Variants in BANP observed in about 807,000 individuals in gnomAD.
BANP encodes protein BANP.
A neutral mutation model predicts 68.1 loss-of-function variants in BANP; 11 were observed. That is an observed-to-expected ratio of 0.16 (90% CI 0.10 to 0.27). BANP has a LOEUF of 0.27. BANP is among the 10% of genes least tolerant of loss of function. The pLI is 1.00. For missense variants in BANP, 504 were observed against 722.7 expected (o/e 0.70, Z 3.47); for synonymous variants, 329 against 303.2 (o/e 1.09, Z -0.88).
intron 12 of BANP, among the ~76,000 whole-genome samples, chr16:88,069,467 G>T (rs1485256795): frequency 6.6e-6 from 1 of 152,206 alleles, no homozygotes; most frequent in Non-Finnish European, 1.5e-5. Flanking sequence ...TTCTCTCTCT[G>T]CTCCCTCTCG....
intron 11 of BANP, 70 bp downstream of exon 11, chr16:88,038,081 G>T: frequency 6.6e-7 from 1 of 1,505,304 alleles, no homozygotes; most frequent in Non-Finnish European, 9.2e-7. Flanking sequence ...AGGGGAGGGG[G>T]TGGGACGGTC....
chr16:88,073,343 C>T (rs1437322619), intron 13 of BANP, among the ~76,000 whole-genome samples: 3 of 152,252 alleles, frequency 2.0e-5, no homozygotes, highest in Non-Finnish European at 4.4e-5. Context: ...GGTCTGGCCC[C>T]TCCTCTGGCC....
chr16:87,973,729 G>A (rs1475221293), intron 1 of BANP, among the ~76,000 whole-genome samples: 1 of 133,730 alleles, frequency 7.5e-6, no homozygotes, highest in Non-Finnish European at 1.5e-5. Context: ...TTCCAGCCTG[G>A]GCAACAGGAG....
chr16:87,962,255 A>AAAAAAAAAAAAAAAC (rs2059318249), intron 1 of BANP, among the ~76,000 whole-genome samples: 1 of 147,680 alleles, frequency 6.8e-6, no homozygotes, highest in Non-Finnish European at 1.5e-5. Flanking sequence ...AAAAAAAAAA[A>AAAAAAAAAAAAAAAC]AGAAAGCACA....
intron 11 of BANP, among the ~76,000 whole-genome samples, chr16:88,043,085 G>C (rs1292246735): frequency 7.2e-5 from 11 of 152,160 alleles, no homozygotes; most frequent in Non-Finnish European, 1.6e-4. Flanking sequence ...TCTCAGTCTC[G>C]GGCTTTGTAG....
chr16:88,018,765 C>T lies in BANP; in HGVS notation c.895+98C>T, dbSNP rs2075171867. 9 of 1,422,270 alleles carry T rather than the reference C, an allele frequency of 6.3e-6. No homozygotes were observed. Among genetic ancestry groups the T allele is most frequent in the Admixed American group, 4.7e-5 (2 of 42,126 alleles). The allele number at this position is 1,422,270 out of a possible 1,614,324, so 88.1% of individuals were successfully genotyped here. ...GACGCTGGCATCAGTAGCACCGGCA[C>T]GGGGCTGCGTTTCTCCAGGCGGTTT... On this transcript the variant is annotated intron_variant, in intron 7 of 13. Coordinates refer to ENST00000682872, the MANE Select transcript of BANP (RefSeq NM_001386991.1). The surrounding 1 kb of genome is among the most constrained non-coding windows in gnomAD (Gnocchi z 7.7).
At chr16:88,051,146 C>T (rs574402612) in intron 11 of BANP, among the ~76,000 whole-genome samples, 2 of 152,328 alleles carry the variant, frequency 1.3e-5, no homozygotes, top group East Asian at 1.9e-4. Context: ...CGTGTAGTGG[C>T]GGGCCTCGCA....
chr16:88,054,910 A>G (rs552727821), intron 11 of BANP, among the ~76,000 whole-genome samples: 37 of 152,320 alleles, frequency 2.4e-4, no homozygotes, highest in African/African-American at 7.2e-4. Flanking sequence ...TTGAACAGTT[A>G]GTACCAAACT....
chr16:87,957,621 C>T lies in BANP; in HGVS notation c.-69+6106C>T, dbSNP rs2058348605. Among the ~76,000 whole-genome samples, 1 of 152,236 alleles carries T rather than the reference C, an allele frequency of 6.6e-6. No individual in the cohort carries two copies. Among genetic ancestry groups the T allele is most frequent in the Non-Finnish European group, 1.5e-5 (1 of 68,034 alleles). ...GTGGCCTGTAGTGATTTTCCTTTTC[C>T]CTTGAGATGAAAAGTCATCAAATAT... On this transcript the variant is annotated intron_variant, in intron 1 of 13. Coordinates refer to ENST00000682872, the MANE Select transcript of BANP (RefSeq NM_001386991.1). This position sits in a 1 kb window ranked among gnomAD's most constrained non-coding sequence, Gnocchi z 4.3.
rs190694426 is a variant in BANP at position 88,057,599 on chromosome 16, C to T, written c.1312-7668C>T. 3.1e-3 allele frequency among the ~76,000 whole-genome samples: 478 copies of T among 152,202 alleles called. 1 individual carries two copies. Among genetic ancestry groups the T allele is most frequent in the African/African-American group, 0.011 (459 of 41,510 alleles). Reference sequence around the variant, plus strand: ...GCAAAATGCAGGCACTCTGACTGGCCCACGTTGTGTAAAATTGGAAGAATG... The same window carrying T: ...GCAAAATGCAGGCACTCTGACTGGCTCACGTTGTGTAAAATTGGAAGAATG... On this transcript the variant is annotated intron_variant, in intron 11 of 13. Coordinates refer to ENST00000682872, the MANE Select transcript of BANP (RefSeq NM_001386991.1). The surrounding 1 kb of genome is among the most constrained non-coding windows in gnomAD (Gnocchi z 4.6).
At position 88,060,781 on chromosome 16, in the gene BANP, C is replaced by T. The variant is rs555345955; in HGVS notation, c.1312-4486C>T. 1.1e-4 allele frequency among the ~76,000 whole-genome samples: 16 copies of T among 152,278 alleles called. No homozygotes were observed. In the East Asian group the frequency reaches 3.1e-3, roughly 30 times the overall value. The stretch of plus-strand genomic sequence containing the variant: ...CCCTTTCCTGGGGACACCTGAGCAG[C>T]GCCACGGTGATGGCAGGCTTGTGCA... On this transcript the variant is annotated intron_variant, in intron 11 of 13. Coordinates refer to ENST00000682872, the MANE Select transcript of BANP (RefSeq NM_001386991.1).
chr16:88,023,437 G>T (rs1399962126), intron 7 of BANP, among the ~76,000 whole-genome samples: 4 of 148,558 alleles, frequency 2.7e-5, no homozygotes, highest in African/African-American at 9.9e-5. Context: ...CCGGGAGGGA[G>T]CATGTCAGCT....
intron 7 of BANP, among the ~76,000 whole-genome samples, chr16:88,023,487 C>G (rs559856328): frequency 7.2e-6 from 1 of 138,928 alleles, no homozygotes; most frequent in East Asian, 2.0e-4. Flanking sequence ...TTCTAGGCAG[C>G]GCTGTCACGT....
Position 87,958,953 on chromosome 16 carries a change from G to T in BANP, c.-69+7438G>T, listed in dbSNP as rs145106760. 1.6e-3 allele frequency among the ~76,000 whole-genome samples: 249 copies of T among 152,340 alleles called. 1 individual carries two copies. The highest frequency in any genetic ancestry group is 3.4e-3 in the Middle Eastern group (1 of 294). On this transcript the variant is annotated intron_variant, in intron 1 of 13. Transcript: ENST00000682872. Reference sequence around the variant, plus strand: ...GCAGACATAGAGAATTCTCATGGGGGAGGGAGGACCTTGCGGCGCCTTGGC... The same window carrying T: ...GCAGACATAGAGAATTCTCATGGGGTAGGGAGGACCTTGCGGCGCCTTGGC...
chr16:87,981,786 G>A (rs1272682736), intron 3 of BANP, among the ~76,000 whole-genome samples: 2 of 152,244 alleles, frequency 1.3e-5, no homozygotes, highest in African/African-American at 4.8e-5. Flanking sequence ...TGACTTCTGT[G>A]TCTGCCATTT....
In BANP at chr16:88,006,285, C is replaced by T; in HGVS notation, c.655+20C>T. ...CGGAAGGTGCGTCCAGGGCGGCTTT[C>T]CTCGGCCAGAGCGCCAGTACAATTG... On this transcript the variant is annotated intron_variant, in intron 6 of 13. Transcript: ENST00000682872. 1 of 1,568,878 alleles carries T rather than the reference C, an allele frequency of 6.4e-7. No individual in the cohort carries two copies. The highest frequency in any genetic ancestry group is 8.6e-7 in the Non-Finnish European group (1 of 1,157,506).
At chr16:88,034,267 C>G (rs1280861629) in intron 9 of BANP, among the ~76,000 whole-genome samples, 1 of 152,202 alleles carries the variant, frequency 6.6e-6, no homozygotes, top group Non-Finnish European at 1.5e-5. Context: ...GGCAGTTCCT[C>G]TCATCTTGTT....
chr16:88,060,095 G>A (rs188271322), intron 11 of BANP, among the ~76,000 whole-genome samples: 4 of 152,382 alleles, frequency 2.6e-5, no homozygotes, highest in African/African-American at 9.6e-5. Flanking sequence ...TGCTGTGGCC[G>A]AAGGTGCCGA....
At chr16:88,034,503 C>A (rs759508729) in intron 9 of BANP, among the ~76,000 whole-genome samples, 9 of 152,160 alleles carry the variant, frequency 5.9e-5, no homozygotes, top group African/African-American at 1.9e-4. Flanking sequence ...TTAGTGTTTA[C>A]TGAAACTGTC....
Sources: allele counts gnomAD v4.1 joint callset (sites outside exome capture counted in the v4.1 genomes callset), GRCh38; gene constraint gnomAD v4.1.1; non-coding constraint Gnocchi (gnomAD v3.1); transcripts MANE v1.5; gene names NCBI Gene and HGNC (gene_info 2026-07-23, HGNC 2026-07-21).